GPHN: variants seen among roughly 807,000 people sequenced by gnomAD.
GPHN encodes the protein gephyrin.
GPHN carries 17 observed loss-of-function variants against 95.5 expected under a neutral mutation model. The ratio of observed to expected loss-of-function variants is 0.18; its 90% CI spans 0.12 to 0.27. GPHN has a LOEUF of 0.27. Ranked by LOEUF, GPHN falls within the 10% of genes least tolerant of loss-of-function variation. The pLI is 1.00. For missense variants in GPHN, 660 were observed against 978.1 expected, an observed-to-expected ratio of 0.67 and a Z score of 4.34; for synonymous variants, 320 against 322.5, an observed-to-expected ratio of 0.99 and a Z score of 0.08.
At chr14:67,369,988 A>G in the GPHN span, among the ~76,000 whole-genome samples, 1 of 152,248 alleles carries the variant, frequency 6.6e-6, no homozygotes, top group South Asian at 2.1e-4. Flanking sequence ...ATTTACCCAC[A>G]TATTTATTAA....
chr14:67,185,043 G>T (rs894608526), downstream of GPHN, among the ~76,000 whole-genome samples: 3 of 152,172 alleles, frequency 2.0e-5, no homozygotes, highest in African/African-American at 7.2e-5. Context: ...AATTATTTGT[G>T]AACTCTTAAG....
the GPHN span, chr14:67,574,160 G>T: frequency 7.7e-7 from 1 of 1,302,732 alleles, no homozygotes; most frequent in South Asian, 1.5e-5. This position sits in a 1 kb window ranked among gnomAD's most constrained non-coding sequence, Gnocchi z 4.2. Context: ...TGGGTTCAGG[G>T]ACAGGTGCCA....
the GPHN span, among the ~76,000 whole-genome samples, chr14:67,556,285 T>C: frequency 6.6e-6 from 1 of 152,174 alleles, no homozygotes; most frequent in Admixed American, 6.5e-5. Context: ...TTGGTTGCCA[T>C]GGCAAGGAAA....
chr14:66,867,673 A>G (rs2153525737), intron 4 of GPHN, among the ~76,000 whole-genome samples: 1 of 152,332 alleles, frequency 6.6e-6, no homozygotes, highest in South Asian at 2.1e-4. Context: ...AGAAGTCAGG[A>G]AAATGTAACT....
At chr14:66,907,007 T>G (rs2065414279) in intron 5 of GPHN, among the ~76,000 whole-genome samples, 1 of 152,210 alleles carries the variant, frequency 6.6e-6, no homozygotes, top group Non-Finnish European at 1.5e-5. Flanking sequence ...GCTTGCTAGT[T>G]GTCTGTCTAG....
At chr14:66,533,051 T>G (rs756929246) in intron 1 of GPHN, among the ~76,000 whole-genome samples, 2 of 152,186 alleles carry the variant, frequency 1.3e-5, no homozygotes, top group Non-Finnish European at 2.9e-5. Flanking sequence ...CGCCGAATAG[T>G]CAGTCCACTT....
the GPHN span, chr14:67,384,792 C>T: frequency 2.0e-5 from 3 of 152,096 alleles, no homozygotes; most frequent in Non-Finnish European, 4.4e-5. Context: ...GAGAGAGTGC[C>T]ATGATTGCTA....
chr14:67,102,738 G>A (rs1425729320), intron 13 of GPHN, among the ~76,000 whole-genome samples: 1 of 152,154 alleles, frequency 6.6e-6, no homozygotes, highest in Non-Finnish European at 1.5e-5. Flanking sequence ...GCAGCAGTTT[G>A]GCAAACGCTA....
chr14:67,721,895 G>A, the GPHN span, among the ~76,000 whole-genome samples: 23 of 152,098 alleles, frequency 1.5e-4, no homozygotes, highest in Middle Eastern at 3.4e-3. Flanking sequence ...TAGATTCAGC[G>A]CTAGAGTCCA....
At chr14:66,868,555 G>T (rs1017675709) in intron 4 of GPHN, among the ~76,000 whole-genome samples, 1 of 151,842 alleles carries the variant, frequency 6.6e-6, no homozygotes, top group African/African-American at 2.4e-5. Context: ...CACCACGCCG[G>T]GCTAATTTTT....
chr14:67,534,185 G>T, the GPHN span, among the ~76,000 whole-genome samples: 1 of 152,164 alleles, frequency 6.6e-6, no homozygotes, highest in South Asian at 2.1e-4. Context: ...ACTGTGTATA[G>T]GGCTAGTACC....
chr14:66,518,485 C>A (rs895717394), intron 1 of GPHN, among the ~76,000 whole-genome samples: 1 of 152,092 alleles, frequency 6.6e-6, no homozygotes, highest in Admixed American at 6.5e-5. Context: ...TTTCACCACT[C>A]GGCACTTACC....
intron 17 of GPHN, among the ~76,000 whole-genome samples, chr14:67,132,898 A>G (rs1419983204): frequency 6.6e-6 from 1 of 151,404 alleles, no homozygotes; most frequent in East Asian, 1.9e-4. Flanking sequence ...TAATTAATGT[A>G]TTTGAATTCA....
intron 3 of GPHN, among the ~76,000 whole-genome samples, chr14:66,800,672 A>C (rs1292093956): frequency 1.3e-5 from 2 of 152,010 alleles, no homozygotes; most frequent in Admixed American, 6.6e-5. Flanking sequence ...GGTATTAAAT[A>C]ATCTTAGGGT....
At chr14:67,340,638 A>G in the GPHN span, 1 of 818,702 alleles carries the variant, frequency 1.2e-6, no homozygotes, top group African/African-American at 1.7e-5. Context: ...CATTTAATGC[A>G]GAGAACTTGG....
intron 17 of GPHN, among the ~76,000 whole-genome samples, chr14:67,142,189 G>A (rs1190341381): frequency 6.6e-6 from 1 of 152,136 alleles, no homozygotes; most frequent in Non-Finnish European, 1.5e-5. Flanking sequence ...GAATTTTTCA[G>A]ACAACAAGAG....
chr14:66,785,845 T>G (rs895118383), intron 3 of GPHN, among the ~76,000 whole-genome samples: 1 of 150,998 alleles, frequency 6.6e-6, no homozygotes, highest in Non-Finnish European at 1.5e-5. Context: ...TTTTAAAAAT[T>G]TACACAAACG....
chr14:67,065,712 T>C (rs2076025518), intron 11 of GPHN, among the ~76,000 whole-genome samples: 1 of 152,092 alleles, frequency 6.6e-6, no homozygotes, highest in Non-Finnish European at 1.5e-5. Flanking sequence ...TTGATCTTTG[T>C]TGGTTTAAAG....
the GPHN span, among the ~76,000 whole-genome samples, chr14:67,380,478 C>T: frequency 6.6e-6 from 1 of 152,110 alleles, no homozygotes; most frequent in Admixed American, 6.5e-5. Context: ...CACTAATAAT[C>T]AGTTGGGGTG....
Sources: gnomAD v4.1 joint callset for allele counts (sites outside exome capture counted in the v4.1 genomes callset) on GRCh38, gnomAD v4.1.1 for gene constraint, Gnocchi (gnomAD v3.1) non-coding constraint, MANE v1.5 for transcripts, NCBI Gene and HGNC (gene_info 2026-07-23, HGNC 2026-07-21) for gene names.